COL6A3: variants seen among roughly 807,000 people sequenced by gnomAD.
The protein encoded by COL6A3 is collagen type VI alpha 3 chain, also known as collagen alpha-3(VI) chain.
Under a neutral mutation model 274.1 loss-of-function variants are expected in COL6A3, and 137 were observed. That is an observed-to-expected ratio of 0.50 (90% CI 0.44 to 0.58). The LOEUF (loss-of-function observed/expected upper bound fraction) is 0.58, where lower values mean the gene tolerates loss of function less well. Ranked by LOEUF, COL6A3 falls within the 20% of genes least tolerant of loss-of-function variation. The pLI is 0.00. For missense variants in COL6A3, 3,950 were observed against 4,124.9 expected (o/e 0.96, Z 1.16); for synonymous variants, 1,650 against 1,650.6 (o/e 1.00, Z 0.01).
At chr2:237,326,542 CAG>C (rs1179672026) in intron 42 of COL6A3, 3 of 152,202 alleles carry the variant, frequency 2.0e-5, no homozygotes, top group Admixed American at 6.5e-5. Context: ...CTCCTGTTTA[CAG>C]AGTTTTCTGG....
rs1357963233 is a variant in COL6A3 at position 237,377,359 on chromosome 2, G to C, written c.2498-15C>G. 1 of 1,599,034 alleles carries C rather than the reference G, an allele frequency of 6.3e-7. No individual in the cohort carries two copies. The highest frequency in any genetic ancestry group is 8.5e-7 in the Non-Finnish European group (1 of 1,179,496). ...TCGCTTGCTCTCTGCAATGAAGGTA[G>C]ATTAGGATACAATGAGGGACGAGAG... On this transcript the variant is annotated splice_polypyrimidine_tract_variant and intron_variant, in intron 6 of 43. Coordinates refer to ENST00000295550, the MANE Select transcript of COL6A3 (RefSeq NM_004369.4).
chr2:237,336,208 C>G lies in COL6A3; in HGVS notation c.8892G>C (p.Ala2964=), dbSNP rs147324162. ...GTGGCCTAGGGACCTCAGGCTTGGT[C>G]GCCACTGGTTTTGCAGCAGCAGCAG... The part of the protein sequence containing the change: ...PPAAAAAKPV[A]TKPEVPRPQA... Residue 2964 remains alanine, a synonymous_variant, in exon 40 of 44, where the codon GCG becomes GCC. Coordinates refer to ENST00000295550, the MANE Select transcript of COL6A3 (RefSeq NM_004369.4). The G allele has an allele frequency of 2.6e-5, 42 of 1,613,362 alleles. No individual in the cohort carries two copies. Among genetic ancestry groups the G allele is most frequent in the Non-Finnish European group, 3.3e-5 (39 of 1,179,668 alleles).
Position 237,374,532 on chromosome 2 carries a change from C to A in COL6A3, c.3559G>T (p.Ala1187Ser). The A allele has an allele frequency of 6.2e-7, 1 of 1,614,214 alleles. No homozygotes were observed. Among genetic ancestry groups the A allele is most frequent in the Non-Finnish European group, 8.5e-7 (1 of 1,180,038 alleles). Reference protein sequence around the residue: ...TISFIPDFAVAIPTFRQLGTV... With the variant: ...TISFIPDFAVSIPTFRQLGTV... ...CCCAGCTGGCGAAAGGTGGGAATGGCCACGGCAAAGTCCGGGATGAAGGAG... is the reference window on the plus strand; with the variant it reads ...CCCAGCTGGCGAAAGGTGGGAATGGACACGGCAAAGTCCGGGATGAAGGAG... Residue 1187 changes from alanine to serine, a missense_variant, in exon 8 of 44, where the codon GCC (alanine) becomes TCC (serine). Transcript: ENST00000295550. The surrounding 1 kb of genome is among the most constrained non-coding windows in gnomAD (Gnocchi z 4.8).
At chr2:237,328,783 C>T (rs780666678) in intron 42 of COL6A3, 4 of 152,136 alleles carry the variant, frequency 2.6e-5, no homozygotes, top group Non-Finnish European at 4.4e-5. Flanking sequence ...TTCCAAATCA[C>T]GATGTAAGTA....
intron 16 of COL6A3, 131 bp downstream of exon 16, chr2:237,360,990 T>C: frequency 1.3e-6 from 1 of 790,936 alleles, no homozygotes; most frequent in Non-Finnish European, 2.2e-6. Flanking sequence ...TTAAGAAAAG[T>C]ATAAATTAAT....
intron 1 of COL6A3, among the ~76,000 whole-genome samples, chr2:237,398,964 T>C (rs1393212537): frequency 2.6e-5 from 4 of 152,240 alleles, no homozygotes; most frequent in Non-Finnish European, 5.9e-5. Context: ...TAATGTGTGT[T>C]ATTTATCTTT....
chr2:237,401,834 A>G (rs1412626345), intron 1 of COL6A3, among the ~76,000 whole-genome samples: 1 of 151,880 alleles, frequency 6.6e-6, no homozygotes, highest in East Asian at 1.9e-4. Context: ...GCAGGCACAC[A>G]CCACCCCACC....
chr2:237,348,668 G>T lies in COL6A3; in HGVS notation c.6880-5C>A. The stretch of plus-strand genomic sequence containing the variant: ...TCCGTCTCTCCCGTCATCTCCCTAA[G>T]AGTGGGAAAGAGATGTGACTGTAGG... On this transcript the variant is annotated splice_region_variant and splice_polypyrimidine_tract_variant and intron_variant, in intron 28 of 43. Coordinates refer to ENST00000295550, the MANE Select transcript of COL6A3 (RefSeq NM_004369.4). The T allele has an allele frequency of 6.2e-7, 1 of 1,614,068 alleles. No individual in the cohort carries two copies. The highest frequency in any genetic ancestry group is 2.2e-5 in the East Asian group (1 of 44,880).
chr2:237,386,718 G>T (rs999942553), intron 4 of COL6A3: 1 of 152,192 alleles, frequency 6.6e-6, no homozygotes. Flanking sequence ...GGAAACTGTT[G>T]GGGGCCACTG....
At chr2:237,367,538 A>T (rs2077582486) in intron 10 of COL6A3, among the ~76,000 whole-genome samples, 1 of 152,226 alleles carries the variant, frequency 6.6e-6, no homozygotes. Context: ...TTGATGTCAC[A>T]CTCTGTGAAA....
chr2:237,350,339 G>A, intron 27 of COL6A3, 130 bp from the exon 28 acceptor site: 1 of 815,138 alleles, frequency 1.2e-6, no homozygotes, highest in Non-Finnish European at 2.1e-6. Context: ...TCGGTGGAAT[G>A]ATTTTCTAAA....
At position 237,366,906 on chromosome 2, in the gene COL6A3, C is replaced by T. The variant is rs985261792; in HGVS notation, c.5281G>A (p.Asp1761Asn). ...CTCTGGGTGAGGGCCAGGCTCACATCCTGTGCATCTTCCACCGACTTTCCT... is the reference window on the plus strand; with the variant it reads ...CTCTGGGTGAGGGCCAGGCTCACATTCTGTGCATCTTCCACCGACTTTCCT... ...TGGKSVEDAQ[D>N]VSLALTQRGV... Residue 1761 changes from aspartate (D) to asparagine (N), a missense_variant, in exon 11 of 44, where the codon GAT (aspartate) becomes AAT (asparagine). Physicochemically the swap from Asp to Asn is conservative, Grantham distance 23. Coordinates refer to ENST00000295550, the MANE Select transcript of COL6A3 (RefSeq NM_004369.4). 3.1e-6 allele frequency: 5 copies of T among 1,614,092 alleles called. No individual in the cohort carries two copies. The African/African-American group carries it at 4.0e-5, about 13-fold the overall frequency.
chr2:237,326,506 G>A (rs1304176960), intron 42 of COL6A3: 1 of 152,218 alleles, frequency 6.6e-6, no homozygotes, highest in African/African-American at 2.4e-5. Flanking sequence ...CTGGAGAGAA[G>A]AGTTTACAGT....
chr2:237,401,690 AT>A (rs60843699), intron 1 of COL6A3, among the ~76,000 whole-genome samples: 33,358 of 148,180 alleles, frequency 0.23, 3,705 homozygotes, highest in Middle Eastern at 0.3. Context: ...TTATACTGTA[AT>A]TTTTTTTTTT....
rs759990390 is a variant in COL6A3, at chr2:237,395,216, G to T, written c.92-12C>A. 1 of 1,612,638 alleles carries T rather than the reference G, an allele frequency of 6.2e-7. No individual in the cohort carries two copies. Among genetic ancestry groups the T allele is most frequent in the African/African-American group, 1.3e-5 (1 of 75,032 alleles). Reference sequence around the variant, plus strand: ...ACCATTTTTGACATCTTTAAAAAAAGACATTGGTTTAGATTTTTCTACTAT... The same window carrying T: ...ACCATTTTTGACATCTTTAAAAAAATACATTGGTTTAGATTTTTCTACTAT... On this transcript the variant is annotated splice_polypyrimidine_tract_variant and intron_variant, in intron 2 of 43. Coordinates refer to ENST00000295550, the MANE Select transcript of COL6A3 (RefSeq NM_004369.4).
At chr2:237,324,941 T>C in intron 43 of COL6A3, 127 bp from the exon 44 acceptor site, 1 of 1,005,128 alleles carries the variant, frequency 9.9e-7, no homozygotes, top group Non-Finnish European at 1.5e-6. Flanking sequence ...CTGGTTTCCA[T>C]CACCTGTCCC....
At chr2:237,376,685 T>C (rs1172425515) in intron 7 of COL6A3, 87 bp downstream of exon 7, 2 of 1,328,908 alleles carry the variant, frequency 1.5e-6, no homozygotes, top group African/African-American at 2.9e-5. Context: ...GGAGGGCTTC[T>C]ATCTAAGGAC....
In COL6A3 at chr2:237,369,269, C is replaced by T. The variant is rs1295991269; in HGVS notation, c.4286-92G>A. The stretch of plus-strand genomic sequence containing the variant: ...CACCTTGCACCATAATCCTAATCAA[C>T]CTTAAGATTATATCCCAAGATGCCT... On this transcript the variant is annotated intron_variant, in intron 9 of 43. Transcript: ENST00000295550. 4.6e-6 allele frequency: 7 copies of T among 1,511,912 alleles called. No individual in the cohort carries two copies. The Admixed American group carries it at 7.3e-5, about 16-fold the overall frequency. The allele number at this position is 1,511,912 out of a possible 1,614,324, so 93.7% of individuals were successfully genotyped here.
chr2:237,325,454 T>C, intron 43 of COL6A3, 106 bp downstream of exon 43: 2 of 1,253,404 alleles, frequency 1.6e-6, no homozygotes, highest in African/African-American at 1.5e-5. Context: ...TTTATCTTCT[T>C]TTTCACATGT....
Sources: allele counts gnomAD v4.1 joint callset (sites outside exome capture counted in the v4.1 genomes callset), GRCh38; gene constraint gnomAD v4.1.1; non-coding constraint Gnocchi (gnomAD v3.1); transcripts MANE v1.5; gene names NCBI Gene and HGNC (gene_info 2026-07-23, HGNC 2026-07-21).